GCA: variants seen among roughly 807,000 people sequenced by gnomAD.
GCA encodes the protein grancalcin.
In GCA, 30 loss-of-function variants were observed where a neutral mutation model predicts 32.6. The ratio of observed to expected loss-of-function variants is 0.92; its 90% CI spans 0.69 to 1.25. The LOEUF (loss-of-function observed/expected upper bound fraction) is 1.25, where lower values mean the gene tolerates loss of function less well. Ranked by LOEUF, GCA falls within the 50% of genes most tolerant of loss-of-function variation. The probability of loss-of-function intolerance (pLI) is 0.00; values close to 1 mark genes in which losing one functional copy is unlikely to be tolerated. For missense variants in GCA, 291 were observed against 266.8 expected, an observed-to-expected ratio of 1.09 and a Z score of -0.63; for synonymous variants, 102 against 84.6, an observed-to-expected ratio of 1.21 and a Z score of -1.13.
In GCA at chr2:162,359,164, A is replaced by C. The variant is rs1558903916; in HGVS notation, c.568+7A>C. On this transcript the variant is annotated splice_region_variant and intron_variant, in intron 6 of 7. Coordinates refer to ENST00000437150, the MANE Select transcript of GCA (RefSeq NM_012198.5). ...AAGCTTCGAGCATTGACAGGTATTG[A>C]CTATTTAAAACTAAGTGCACAGTGT... The C allele has an allele frequency of 6.9e-7, 1 of 1,440,744 alleles. No homozygotes were observed. Among genetic ancestry groups the C allele is most frequent in the Non-Finnish European group, 9.8e-7 (1 of 1,024,108 alleles). The allele number at this position is 1,440,744 out of a possible 1,614,324, so 89.2% of individuals were successfully genotyped here. A position where few individuals can be genotyped will look rare whatever the true frequency, so the allele number is the denominator to read the frequency against.
chr2:162,322,390 TTTA>T (rs1366976738), intron 1 of GCA, among the ~76,000 whole-genome samples: 1 of 138,578 alleles, frequency 7.2e-6, no homozygotes, highest in Non-Finnish European at 1.5e-5. Context: ...TTTTACTTTA[TTTA>T]TTTATTTATT....
At chr2:162,323,068 T>G (rs1683742071) in intron 1 of GCA, among the ~76,000 whole-genome samples, 1 of 151,844 alleles carries the variant, frequency 6.6e-6, no homozygotes, top group Non-Finnish European at 1.5e-5. Flanking sequence ...CTCCATCACC[T>G]GTTGTTTCCT....
At chr2:162,329,781 A>G (rs773731049) in intron 1 of GCA, among the ~76,000 whole-genome samples, 1 of 152,114 alleles carries the variant, frequency 6.6e-6, no homozygotes, top group African/African-American at 2.4e-5. Flanking sequence ...TTCATCACCC[A>G]GATATTAAGC....
chr2:162,358,915 T>C (rs1026922362), intron 5 of GCA, 129 bp from the exon 6 acceptor site: 8 of 527,324 alleles, frequency 1.5e-5, no homozygotes, highest in Non-Finnish European at 2.7e-5. Context: ...TCAATATTCA[T>C]GTGTTTTGTT....
rs1367956979 is a variant in GCA at position 162,361,059 on chromosome 2, G to A, written c.*816G>A. The A allele has an allele frequency of 1.0e-6, 1 of 955,484 alleles. No homozygotes were observed. Among genetic ancestry groups the A allele is most frequent in the African/African-American group, 1.7e-5 (1 of 57,614 alleles). 59.2% of individuals were successfully genotyped at this position (955,484 alleles called of 1,614,324 possible). ...CATTCAAAATTGTCCTAATTAAATT[G>A]TTGTTTAAATGTAATGTCAACTCTT... On this transcript the variant is annotated 3_prime_UTR_variant, in exon 8 of 8. Coordinates refer to ENST00000437150, the MANE Select transcript of GCA (RefSeq NM_012198.5).
chr2:162,344,423 G>C, intron 1 of GCA, 148 bp downstream of exon 1: 1 of 732,876 alleles, frequency 1.4e-6, no homozygotes, highest in Non-Finnish European at 2.3e-6. Flanking sequence ...GCTGTTGGGG[G>C]CCAGGGCCTG....
exon 1 of GCA, chr2:162,319,144 A>G (rs1456751284): frequency 2.2e-6 from 1 of 456,784 alleles, no homozygotes; most frequent in Admixed American, 2.3e-5. Flanking sequence ...GATGTGGAGA[A>G]GACAGGAGGA....
At chr2:162,353,424 G>A (rs963115253) in intron 3 of GCA, among the ~76,000 whole-genome samples, 3 of 152,030 alleles carry the variant, frequency 2.0e-5, no homozygotes, top group Non-Finnish European at 4.4e-5. Flanking sequence ...GCTGAGATTG[G>A]GCCACTGCAC....
At position 162,361,937 on chromosome 2, in the gene GCA, G is replaced by A. The variant is rs953647921; in HGVS notation, c.*1694G>A. 38 of 984,104 alleles carry A rather than the reference G, an allele frequency of 3.9e-5. No homozygotes were observed. Among genetic ancestry groups the A allele is most frequent in the Admixed American group, 1.9e-4 (3 of 16,126 alleles). 61.0% of individuals were successfully genotyped at this position (984,104 alleles called of 1,614,324 possible). A position where few individuals can be genotyped will look rare whatever the true frequency, so the allele number is the denominator to read the frequency against. On this transcript the variant is annotated 3_prime_UTR_variant, in exon 8 of 8. Transcript: ENST00000437150. ...GTCGTTACTGAACTATTCTGCGGTC[G>A]ATTATGATTATCTCTCTTACTTGGA...
At chr2:162,330,601 C>T (rs1684042412) in intron 1 of GCA, among the ~76,000 whole-genome samples, 1 of 152,118 alleles carries the variant, frequency 6.6e-6, no homozygotes, top group Non-Finnish European at 1.5e-5. Context: ...AACCTATGTC[C>T]AGATTAGACT....
chr2:162,347,524 A>G (rs1319372712), intron 1 of GCA, 54 bp from the exon 2 acceptor site: 2 of 1,097,708 alleles, frequency 1.8e-6, no homozygotes, highest in South Asian at 2.0e-5. Context: ...TCCAACTTTC[A>G]TAGATAATAG....
chr2:162,321,348 T>C (rs1317791462), intron 1 of GCA, among the ~76,000 whole-genome samples: 1 of 152,214 alleles, frequency 6.6e-6, no homozygotes, highest in Non-Finnish European at 1.5e-5. Context: ...ATTTTCCCAT[T>C]GTTATGCAAC....
At chr2:162,330,781 A>G (rs563004815) in intron 1 of GCA, among the ~76,000 whole-genome samples, 6 of 152,206 alleles carry the variant, frequency 3.9e-5, no homozygotes, top group African/African-American at 1.2e-4. Flanking sequence ...GATACCATCA[A>G]TTCTCATTTT....
chr2:162,345,364 A>G (rs938296743), intron 1 of GCA, among the ~76,000 whole-genome samples: 2 of 152,022 alleles, frequency 1.3e-5, no homozygotes, highest in Non-Finnish European at 2.9e-5. Flanking sequence ...GATAGCATAA[A>G]CCTGTGGGTC....
Position 162,356,492 on chromosome 2 carries a change from A to C in GCA, c.306+11A>C, listed in dbSNP as rs1406966222. 5 of 1,499,024 alleles carry C rather than the reference A, an allele frequency of 3.3e-6. No homozygotes were observed. The highest frequency in any genetic ancestry group is 4.6e-6 in the Non-Finnish European group (5 of 1,076,522). 92.9% of individuals were successfully genotyped at this position (1,499,024 alleles called of 1,614,324 possible). ...ATTGCCATGTTGGATGTATCCTTGA[A>C]TAGAAATAGAAAATACTAGAATAAA... On this transcript the variant is annotated intron_variant, in intron 4 of 7. Coordinates refer to ENST00000437150, the MANE Select transcript of GCA (RefSeq NM_012198.5).
intron 1 of GCA, among the ~76,000 whole-genome samples, chr2:162,334,074 T>C (rs546464967): frequency 2.0e-5 from 3 of 152,316 alleles, no homozygotes; most frequent in Middle Eastern, 6.8e-3. Flanking sequence ...GTCTTATCCA[T>C]GCCTTTCTCA....
chr2:162,324,998 A>T (rs1305850490), intron 1 of GCA, among the ~76,000 whole-genome samples: 1 of 126,742 alleles, frequency 7.9e-6, no homozygotes, highest in Non-Finnish European at 1.5e-5. Context: ...GGCATGGGAG[A>T]AAAAAAAAAC....
chr2:162,344,441 A>G (rs1317535956), intron 1 of GCA, 166 bp downstream of exon 1: 2 of 670,802 alleles, frequency 3.0e-6, no homozygotes, highest in Non-Finnish European at 5.2e-6. Flanking sequence ...CTGGGCGAGC[A>G]TTGATCCTGG....
intron 5 of GCA, among the ~76,000 whole-genome samples, chr2:162,358,821 G>C (rs576158023): frequency 6.6e-6 from 1 of 151,416 alleles, no homozygotes. Context: ...CTTTTCCTTA[G>C]CTTTGACTTT....
Sources: gnomAD v4.1 joint callset for allele counts (sites outside exome capture counted in the v4.1 genomes callset) on GRCh38, gnomAD v4.1.1 for gene constraint, MANE v1.5 for transcripts, NCBI Gene and HGNC (gene_info 2026-07-23, HGNC 2026-07-21) for gene names.